The following CUX2 variants were observed in gnomAD, a reference collection of about 807,000 sequenced individuals.
The protein encoded by CUX2 is homeobox protein cut-like 2.
In CUX2, 40 loss-of-function variants were observed where a neutral mutation model predicts 144.8. That is an observed-to-expected ratio of 0.28 (90% CI 0.21 to 0.36). CUX2 has a LOEUF of 0.36. Ranked by LOEUF, CUX2 falls within the 10% of genes least tolerant of loss-of-function variation. The pLI, the probability that CUX2 is intolerant of heterozygous loss-of-function variation, is 1.00. For missense variants in CUX2, 1,615 were observed against 1,994.0 expected (o/e 0.81, Z 3.62); for synonymous variants, 827 against 875.6 (o/e 0.94, Z 0.98).
chr12:111,210,916 G>T (rs1881192140), intron 1 of CUX2, among the ~76,000 whole-genome samples: 2 of 152,274 alleles, frequency 1.3e-5, no homozygotes, highest in South Asian at 2.1e-4. Flanking sequence ...GCCCGCTGAA[G>T]AGAAGGGCAT....
intron 3 of CUX2, among the ~76,000 whole-genome samples, chr12:111,261,174 C>T (rs1343613223): frequency 6.6e-6 from 1 of 152,168 alleles, no homozygotes; most frequent in Non-Finnish European, 1.5e-5. Context: ...AATCTTGGCC[C>T]TGCCATTTGC....
At chr12:111,048,933 G>A (rs1411072891) in intron 1 of CUX2, among the ~76,000 whole-genome samples, 2 of 151,980 alleles carry the variant, frequency 1.3e-5, no homozygotes, top group Non-Finnish European at 2.9e-5. Context: ...CAGGGGTTGG[G>A]GGATCACCTC....
intron 2 of CUX2, among the ~76,000 whole-genome samples, 184 bp downstream of exon 2, chr12:111,214,494 A>G (rs1466481024): frequency 1.3e-5 from 2 of 152,222 alleles, no homozygotes; most frequent in Non-Finnish European, 2.9e-5. Context: ...AGCGGTGCCT[A>G]CTGAAGGGAG....
At chr12:111,166,540 A>G (rs917890738) in intron 1 of CUX2, among the ~76,000 whole-genome samples, 2 of 152,216 alleles carry the variant, frequency 1.3e-5, no homozygotes, top group Non-Finnish European at 2.9e-5. Flanking sequence ...CAACAACTCT[A>G]TGAGGTATGA....
At chr12:111,335,484 G>A (rs1410281992) in intron 19 of CUX2, among the ~76,000 whole-genome samples, 2 of 152,052 alleles carry the variant, frequency 1.3e-5, no homozygotes, top group African/African-American at 4.8e-5. Flanking sequence ...GCCAAGGCAG[G>A]CGAATCACCT....
At position 111,320,709 on chromosome 12, in the gene CUX2, G is replaced by T. The variant is rs1356146065; in HGVS notation, c.2700G>T (p.Glu900Asp). ...TGTACCGTGAGGTAGACACGCTGGA[G>T]CTCACCCGCCAGGTCAAGGAGAAGC... is the stretch of plus-strand genomic sequence containing the variant. ...LYMYREVDTL[E>D]LTRQVKEKLA... The change falls in exon 17 of 22, where the codon GAG becomes GAT. Residue 900 changes from glutamate (E) to aspartate (D), a missense_variant. Glu to Asp is a conservative substitution (Grantham distance 45). This residue lies in a region of CUX2 where 390 missense variants were observed against 387.1 expected (regional missense o/e 1.01). Transcript: ENST00000261726. The surrounding 1 kb of genome is among the most constrained non-coding windows in gnomAD (Gnocchi z 8.1). The T allele has an allele frequency of 1.7e-5, 27 of 1,590,864 alleles. No homozygotes were observed. The highest frequency in any genetic ancestry group is 2.1e-5 in the Non-Finnish European group (25 of 1,176,640).
At chr12:111,300,295 AT>A (rs1415701146) in intron 9 of CUX2, among the ~76,000 whole-genome samples, 1 of 152,002 alleles carries the variant, frequency 6.6e-6, no homozygotes, top group Non-Finnish European at 1.5e-5. Context: ...TAATTTTCAT[AT>A]GTTTTGTAGA....
chr12:111,181,732 T>C (rs1481528697), intron 1 of CUX2, among the ~76,000 whole-genome samples: 1 of 152,242 alleles, frequency 6.6e-6, no homozygotes, highest in Non-Finnish European at 1.5e-5. Context: ...GAATGTCTGA[T>C]TATTTTTAGA....
intron 1 of CUX2, among the ~76,000 whole-genome samples, chr12:111,212,674 C>T (rs1881297703): frequency 6.6e-6 from 1 of 152,212 alleles, no homozygotes; most frequent in Non-Finnish European, 1.5e-5. Flanking sequence ...TACTTTGGTG[C>T]CTCTACCTTC....
In CUX2 at chr12:111,246,729, A is replaced by G. The variant is rs112306680; in HGVS notation, c.223-17032A>G. Among the ~76,000 whole-genome samples the G allele has an allele frequency of 0.024, 3,712 of 152,118 alleles. 167 individuals carry two copies. The highest frequency in any genetic ancestry group is 0.086 in the African/African-American group (3,549 of 41,472). ...GTCTGGCAAGGCGAGGTCCTTTCTC[A>G]CCTCTCACCTTTGTATGCAACTGCT... On this transcript the variant is annotated intron_variant, in intron 3 of 21. Transcript: ENST00000261726. This position sits in a 1 kb window ranked among gnomAD's most constrained non-coding sequence, Gnocchi z 4.0.
At chr12:111,199,191 T>C (rs763493554) in intron 1 of CUX2, among the ~76,000 whole-genome samples, 34 of 152,030 alleles carry the variant, frequency 2.2e-4, no homozygotes, top group Non-Finnish European at 4.6e-4. Flanking sequence ...CTGGGATTCG[T>C]TCAACATCAC....
At chr12:111,157,221 C>T (rs1241948685) in intron 1 of CUX2, among the ~76,000 whole-genome samples, 2 of 148,164 alleles carry the variant, frequency 1.3e-5, no homozygotes, top group East Asian at 3.9e-4. Context: ...TCCTGGAGCT[C>T]TGCGTTGACA....
intron 1 of CUX2, among the ~76,000 whole-genome samples, chr12:111,180,276 CT>C (rs1879086590): frequency 6.6e-6 from 1 of 152,162 alleles, no homozygotes; most frequent in Non-Finnish European, 1.5e-5. Context: ...CCCTCTCCTG[CT>C]TTCCAAGAAG....
chr12:111,164,824 A>G (rs1475150665), intron 1 of CUX2, among the ~76,000 whole-genome samples: 1 of 152,142 alleles, frequency 6.6e-6, no homozygotes, highest in Admixed American at 6.5e-5. Flanking sequence ...AGTGTGGTCC[A>G]CAGTAGAACT....
At chr12:111,239,753 G>C (rs929787805) in intron 3 of CUX2, among the ~76,000 whole-genome samples, 2 of 151,818 alleles carry the variant, frequency 1.3e-5, no homozygotes, top group Middle Eastern at 3.2e-3. Flanking sequence ...AATGAGTGGG[G>C]TGGGGGAATG....
At chr12:111,296,206 T>C (rs770612911) in intron 7 of CUX2, among the ~76,000 whole-genome samples, 15 of 151,856 alleles carry the variant, frequency 9.9e-5, no homozygotes, top group African/African-American at 3.1e-4. Context: ...CTGGGTCCCC[T>C]GAGCTACCTA....
rs996035582 is a variant in CUX2, at chr12:111,246,231, T to C, written c.223-17530T>C. ...TTCATATAGTGAACGCCACCATCAG[T>C]GACACTGATTGCATGAAATCTGCCA... is the stretch of plus-strand genomic sequence containing the variant. On this transcript the variant is annotated intron_variant, in intron 3 of 21. Transcript: ENST00000261726. The surrounding 1 kb of genome is among the most constrained non-coding windows in gnomAD (Gnocchi z 4.0). Among the ~76,000 whole-genome samples the C allele has an allele frequency of 6.6e-6, 1 of 152,166 alleles. No individual in the cohort carries two copies. Among genetic ancestry groups the C allele is most frequent in the African/African-American group, 2.4e-5 (1 of 41,454 alleles).
chr12:111,088,147 T>C (rs1029408608), intron 1 of CUX2, among the ~76,000 whole-genome samples: 5 of 151,722 alleles, frequency 3.3e-5, no homozygotes, highest in Admixed American at 2.6e-4. Flanking sequence ...GGGAGGAAAA[T>C]ATGTGTGCTT....
At chr12:111,296,181 C>A (rs1270027090) in intron 7 of CUX2, among the ~76,000 whole-genome samples, 1 of 152,068 alleles carries the variant, frequency 6.6e-6, no homozygotes, top group African/African-American at 2.4e-5. Flanking sequence ...CACGCCTCCA[C>A]CCCCCAACCC....
Sources: gnomAD v4.1 joint callset for allele counts (sites outside exome capture counted in the v4.1 genomes callset) on GRCh38, gnomAD v4.1.1 for gene constraint, gnomAD v4.1.1 regional missense constraint, Gnocchi (gnomAD v3.1) non-coding constraint, MANE v1.5 for transcripts, NCBI Gene and HGNC (gene_info 2026-07-23, HGNC 2026-07-21) for gene names.